The following RETREG1 variants were observed in gnomAD, a reference collection of about 807,000 sequenced individuals.
The protein encoded by RETREG1 is family with sequence similarity 134 member B.
Under a neutral mutation model 54.8 loss-of-function variants are expected in RETREG1, and 44 were observed. That is an observed-to-expected ratio of 0.80 (90% confidence interval 0.63 to 1.03). RETREG1 has a LOEUF of 1.03. Among genes scored for constraint, RETREG1 ranks in the 50% least tolerant of loss-of-function variants. RETREG1 has a pLI of 0.00. For missense variants in RETREG1, 554 were observed against 605.1 expected (o/e 0.92, Z 0.89); for synonymous variants, 217 against 238.5 (o/e 0.91, Z 0.83).
intron 1 of RETREG1, among the ~76,000 whole-genome samples, chr5:16,607,669 AAG>A (rs1334025338): frequency 6.6e-6 from 1 of 152,094 alleles, no homozygotes; most frequent in African/African-American, 2.4e-5. Context: ...GAGGTCCTGA[AAG>A]AAAGGGAGGA....
chr5:16,478,573 C>A (rs1738636323), intron 6 of RETREG1, among the ~76,000 whole-genome samples: 1 of 152,112 alleles, frequency 6.6e-6, no homozygotes, highest in Non-Finnish European at 1.5e-5. Flanking sequence ...CAAAATAAAA[C>A]TAAGTAAATC....
At chr5:16,509,607 G>A (rs944578307) in intron 3 of RETREG1, among the ~76,000 whole-genome samples, 3 of 151,458 alleles carry the variant, frequency 2.0e-5, no homozygotes, top group Non-Finnish European at 4.4e-5. Flanking sequence ...TATCCTGAAA[G>A]CTTTGGACAA....
chr5:16,501,583 C>T (rs1431292228), intron 3 of RETREG1, among the ~76,000 whole-genome samples: 1 of 152,104 alleles, frequency 6.6e-6, no homozygotes, highest in Non-Finnish European at 1.5e-5. Context: ...CTCTCTGTTG[C>T]CTAGGCTGGA....
intron 1 of RETREG1, among the ~76,000 whole-genome samples, chr5:16,602,970 C>T (rs950683469): frequency 6.6e-6 from 1 of 152,104 alleles, no homozygotes; most frequent in East Asian, 1.9e-4. Flanking sequence ...ATGGCGCCAT[C>T]ACACTCCAGC....
chr5:16,503,228 A>T (rs1739793021), intron 3 of RETREG1, among the ~76,000 whole-genome samples: 1 of 152,248 alleles, frequency 6.6e-6, no homozygotes, highest in Non-Finnish European at 1.5e-5. Flanking sequence ...ACTCTCTTGC[A>T]TCAAAAAGAT....
At chr5:16,534,202 C>A (rs1740992605) in intron 3 of RETREG1, among the ~76,000 whole-genome samples, 1 of 152,196 alleles carries the variant, frequency 6.6e-6, no homozygotes, top group Admixed American at 6.5e-5. Flanking sequence ...GTAATCCCAG[C>A]ATTTTGGGAG....
intron 1 of RETREG1, among the ~76,000 whole-genome samples, chr5:16,604,229 G>C (rs916816058): frequency 9.9e-5 from 15 of 152,086 alleles, no homozygotes; most frequent in African/African-American, 3.4e-4. Context: ...TTATTGGGGC[G>C]GGGTGGGGAG....
chr5:16,522,189 C>G (rs1212064302), intron 3 of RETREG1, among the ~76,000 whole-genome samples: 1 of 151,734 alleles, frequency 6.6e-6, no homozygotes, highest in East Asian at 1.9e-4. Context: ...ACAAGAAAAG[C>G]TGAGCAACAC....
chr5:16,530,715 A>C (rs1228631166), intron 3 of RETREG1, among the ~76,000 whole-genome samples: 4 of 152,178 alleles, frequency 2.6e-5, no homozygotes, highest in Non-Finnish European at 4.4e-5. Flanking sequence ...TAGACTAAAA[A>C]TACAAAAATT....
intron 3 of RETREG1, among the ~76,000 whole-genome samples, chr5:16,484,601 T>C (rs559872179): frequency 6.6e-6 from 1 of 152,202 alleles, no homozygotes; most frequent in South Asian, 2.1e-4. Flanking sequence ...TGCCCTTAGA[T>C]GCTCAACTAT....
chr5:16,612,376 C>G (rs2249506), intron 1 of RETREG1, among the ~76,000 whole-genome samples: 68,710 of 152,028 alleles, frequency 0.45, 15,638 homozygotes, highest in Non-Finnish European at 0.49. Context: ...TGGGCTCATT[C>G]CATTTCAGGA....
intron 1 of RETREG1, among the ~76,000 whole-genome samples, chr5:16,614,401 T>G (rs1371655473): frequency 6.6e-6 from 1 of 152,190 alleles, no homozygotes; most frequent in Non-Finnish European, 1.5e-5. Context: ...ATGGTAAATG[T>G]GGTAGTTCTT....
At chr5:16,565,864 A>G in intron 2 of RETREG1, 71 bp from the exon 3 acceptor site, 1 of 1,497,948 alleles carries the variant, frequency 6.7e-7, no homozygotes, top group Middle Eastern at 1.7e-4. Context: ...CTCAACTCTG[A>G]ACTAGTCCAA....
chr5:16,541,463 C>T (rs1362600342), intron 3 of RETREG1, among the ~76,000 whole-genome samples: 11 of 152,058 alleles, frequency 7.2e-5, no homozygotes, highest in Admixed American at 5.2e-4. Context: ...GCAGAGGCGG[C>T]GGATCTCAAG....
At chr5:16,501,178 T>C (rs769860226) in intron 3 of RETREG1, among the ~76,000 whole-genome samples, 1 of 152,256 alleles carries the variant, frequency 6.6e-6, no homozygotes, top group Non-Finnish European at 1.5e-5. Flanking sequence ...TAACATGGCT[T>C]ACCATATTTA....
chr5:16,541,225 T>G (rs183798381), intron 3 of RETREG1, among the ~76,000 whole-genome samples: 300 of 152,276 alleles, frequency 2.0e-3, no homozygotes, highest in African/African-American at 7.1e-3. Context: ...AACTCACAAC[T>G]GACTGTCAGT....
At chr5:16,558,259 C>G (rs1468964745) in intron 3 of RETREG1, among the ~76,000 whole-genome samples, 2 of 151,716 alleles carry the variant, frequency 1.3e-5, no homozygotes, top group Non-Finnish European at 2.9e-5. Context: ...GACTCTGTCT[C>G]TTAAAAAAAA....
intron 1 of RETREG1, among the ~76,000 whole-genome samples, chr5:16,573,487 T>A (rs1195059306): frequency 6.6e-6 from 1 of 152,104 alleles, no homozygotes; most frequent in East Asian, 1.9e-4. Flanking sequence ...AAAAATTAAT[T>A]TAATAAATGT....
intron 3 of RETREG1, among the ~76,000 whole-genome samples, chr5:16,521,586 C>T (rs1041249621): frequency 1.3e-5 from 2 of 152,226 alleles, no homozygotes; most frequent in Non-Finnish European, 2.9e-5. Context: ...TCAAAGTCCA[C>T]ACACCATAGA....
Sources: gnomAD v4.1 joint callset for allele counts (sites outside exome capture counted in the v4.1 genomes callset) on GRCh38, gnomAD v4.1.1 for gene constraint, MANE v1.5 for transcripts, NCBI Gene and HGNC (gene_info 2026-07-23, HGNC 2026-07-21) for gene names.